Variants in RTL1 observed in about 807,000 individuals in gnomAD.
RTL1 encodes retrotransposon Gag like 1, also known as retrotransposon-like protein 1.
For missense variants in RTL1, 1,681 were observed against 1,767.5 expected (o/e 0.95, Z 0.88); for synonymous variants, 727 against 748.4 (o/e 0.97, Z 0.47).
intron 3 of RTL1, among the ~76,000 whole-genome samples, chr14:100,886,159 A>C (rs1470110692): frequency 1.3e-5 from 2 of 152,034 alleles, no homozygotes; most frequent in East Asian, 3.9e-4. Context: ...GCTCTTTATA[A>C]ATTTAACACC....
At chr14:100,895,810 C>T (rs892438951) in intron 2 of RTL1, among the ~76,000 whole-genome samples, 22 of 152,100 alleles carry the variant, frequency 1.4e-4, no homozygotes, top group African/African-American at 4.1e-4. Context: ...TGGTGGCTCA[C>T]GCTTATAATC....
At position 100,884,224 on chromosome 14, in the gene RTL1, C is replaced by T; in HGVS notation, c.565G>A (p.Glu189Lys). The T allele has an allele frequency of 3.9e-6, 6 of 1,551,760 alleles. No homozygotes were observed. Among genetic ancestry groups the T allele is most frequent in the Non-Finnish European group, 5.2e-6 (6 of 1,146,996 alleles). Residue 189 changes from glutamate to lysine, a missense_variant, in exon 4 of 4, where the codon GAG becomes AAG. Coordinates refer to ENST00000649591, the MANE Select transcript of RTL1 (RefSeq NM_001134888.3). ...DLKEQQRVAEEILIKGINAGQ... is the reference protein window; with the variant it reads ...DLKEQQRVAEKILIKGINAGQ... ...GCATTGATCCCTTTGATCAAGATCT[C>T]TTCTGCTACTCTCTGTTGCTCTTTG...
intron 3 of RTL1, among the ~76,000 whole-genome samples, chr14:100,885,309 C>T (rs1179587912): frequency 1.3e-5 from 2 of 152,202 alleles, no homozygotes; most frequent in African/African-American, 4.8e-5. Context: ...CCAAAGCCAC[C>T]CCTGGCAGGC....
Position 100,882,528 on chromosome 14 carries a change from A to T in RTL1, c.2261T>A (p.Val754Asp). The T allele has an allele frequency of 2.6e-6, 4 of 1,551,892 alleles. No individual in the cohort carries two copies. Among genetic ancestry groups the T allele is most frequent in the Non-Finnish European group, 3.5e-6 (4 of 1,147,046 alleles). ...GTAGACGTTGTGATGGCGGAAGCGG[A>T]CCAGGACTTGGCGGACGTGGTGGAG... Reference protein sequence around the residue: ...EHLHHVRQVLVRFRHHNVYCS... With the variant: ...EHLHHVRQVLDRFRHHNVYCS... The change falls in exon 4 of 4, where the codon GTC becomes GAC. Residue 754 changes from valine (V) to aspartate (D), a missense_variant. Val to Asp is a radical substitution (Grantham distance 152). Transcript: ENST00000649591.
chr14:100,886,071 G>A (rs1396449914), intron 3 of RTL1, among the ~76,000 whole-genome samples: 1 of 152,114 alleles, frequency 6.6e-6, no homozygotes, highest in African/African-American at 2.4e-5. Context: ...CTTGGTTGGG[G>A]TTATTTGCAC....
chr14:100,881,128 C>T lies in RTL1; in HGVS notation c.3661G>A (p.Glu1221Lys). 1 of 1,566,812 alleles carries T rather than the reference C, an allele frequency of 6.4e-7. No individual in the cohort carries two copies. The highest frequency in any genetic ancestry group is 1.8e-5 in the Admixed American group (1 of 54,282). ...TCCTCATCACCAACGACGTGCAGCT[C>T]CAGGTAGCGGTTCTGACGCAGGGCA... Reference protein sequence around the residue: ...LPALRQNRYLELHVVGDEDVV... With the variant: ...LPALRQNRYLKLHVVGDEDVV... The change falls in exon 4 of 4, where the codon GAG becomes AAG. Residue 1221 changes from glutamate (E) to lysine (K), a missense_variant. By Grantham distance (56) the Glu-to-Lys change is moderately conservative. Coordinates refer to ENST00000649591, the MANE Select transcript of RTL1 (RefSeq NM_001134888.3). This position sits in a 1 kb window ranked among gnomAD's most constrained non-coding sequence, Gnocchi z 6.6.
Position 100,880,570 on chromosome 14 carries a change from C to T in RTL1, c.*142G>A. 1.4e-6 allele frequency: 2 copies of T among 1,440,842 alleles called. No individual in the cohort carries two copies. The highest frequency in any genetic ancestry group is 2.9e-5 in the South Asian group (2 of 69,274). The allele number at this position is 1,440,842 out of a possible 1,614,324, so 89.3% of individuals were successfully genotyped here. ...GGTTGATGAGTTGAAGAAGTTGTTG[C>T]CCTTCACAAGTGGGTTCCTCTTGGG... On this transcript the variant is annotated 3_prime_UTR_variant, in exon 4 of 4. Transcript: ENST00000649591.
intron 2 of RTL1, among the ~76,000 whole-genome samples, chr14:100,895,991 C>T (rs1235014215): frequency 1.3e-5 from 2 of 150,702 alleles, no homozygotes; most frequent in South Asian, 2.1e-4. Context: ...GAGAATTGCT[C>T]GAACCTGGAA....
At chr14:100,885,613 T>C (rs1281026590) in intron 3 of RTL1, among the ~76,000 whole-genome samples, 1 of 152,062 alleles carries the variant, frequency 6.6e-6, no homozygotes, top group Non-Finnish European at 1.5e-5. Flanking sequence ...CTCAGACTTT[T>C]GGCCAATTTC....
At chr14:100,896,644 T>C (rs1393168185) in intron 2 of RTL1, among the ~76,000 whole-genome samples, 1 of 96,386 alleles carries the variant, frequency 1.0e-5, no homozygotes, top group Middle Eastern at 4.0e-3. Flanking sequence ...CCTCTGGATG[T>C]GGGGGTGGGC....
rs145590140 is a variant in RTL1 at position 100,899,810 on chromosome 14, C to T, written c.-149+3481G>A. On this transcript the variant is annotated intron_variant, in intron 2 of 3. Transcript: ENST00000649591. ...AAATCATCCAGCACAGTAGCCAACA[C>T]GCAGTACCCAGCAAAACTCGGTAGC... is the stretch of plus-strand genomic sequence containing the variant. 3.2e-3 allele frequency among the ~76,000 whole-genome samples: 485 copies of T among 152,194 alleles called. 4 individuals are homozygous for T. Among genetic ancestry groups the T allele is most frequent in the African/African-American group, 0.011 (466 of 41,516 alleles).
intron 3 of RTL1, among the ~76,000 whole-genome samples, chr14:100,888,663 C>A (rs1347648034): frequency 1.3e-5 from 2 of 152,132 alleles, no homozygotes; most frequent in Non-Finnish European, 1.5e-5. Flanking sequence ...TAATTCACTG[C>A]ATACTATTTA....
chr14:100,898,154 G>T (rs2038894551), intron 2 of RTL1: 1 of 214,086 alleles, frequency 4.7e-6, no homozygotes, highest in Non-Finnish European at 1.0e-5. Context: ...CTAGCCGTCA[G>T]GGTGGGTCAC....
At position 100,883,954 on chromosome 14, in the gene RTL1, C is replaced by CA. The variant is rs2038659185; in HGVS notation, c.834dup (p.Glu279Ter). 1 of 1,551,568 alleles carries CA rather than the reference C, an allele frequency of 6.4e-7. No individual in the cohort carries two copies. The highest frequency in any genetic ancestry group is 1.2e-5 in the South Asian group (1 of 84,054). On this transcript the variant is annotated frameshift_variant, in exon 4 of 4. Coordinates refer to ENST00000649591, the MANE Select transcript of RTL1 (RefSeq NM_001134888.3). LOFTEE classifies it low-confidence loss of function (END_TRUNC). This position sits in a 1 kb window ranked among gnomAD's most constrained non-coding sequence, Gnocchi z 5.9. Reference sequence around the variant, plus strand: ...GCCACACGCAGTGCCTGGCGGTACTCAAACACTTCGGACATGGCCTCCAGG... The same window carrying CA: ...GCCACACGCAGTGCCTGGCGGTACTCAAAACACTTCGGACATGGCCTCCAGG...
Position 100,882,658 on chromosome 14 carries a change from T to C in RTL1, c.2131A>G (p.Ile711Val), listed in dbSNP as rs527685608. 1.8e-5 allele frequency: 28 copies of C among 1,551,958 alleles called. 1 individual carries two copies. The South Asian group carries it at 3.1e-4, about 17-fold the overall frequency. ...QPFALSPDPIIPQNVIHFILK... is the reference protein window; with the variant it reads ...QPFALSPDPIVPQNVIHFILK... The stretch of plus-strand genomic sequence containing the variant: ...ATGAAGTGAATCACGTTCTGAGGTA[T>C]GATAGGGTCTGGGGAGAGCGCAAAC... The change falls in exon 4 of 4, where the codon ATA becomes GTA. Residue 711 changes from isoleucine to valine, a missense_variant. Ile to Val is a conservative substitution (Grantham distance 29). Transcript: ENST00000649591.
Position 100,884,650 on chromosome 14 carries a change from G to C in RTL1, c.139C>G (p.Pro47Ala), listed in dbSNP as rs2038671928. The change falls in exon 4 of 4, where the codon CCA (proline) becomes GCA (alanine). Residue 47 changes from proline (P) to alanine (A), a missense_variant. Coordinates refer to ENST00000649591, the MANE Select transcript of RTL1 (RefSeq NM_001134888.3). ...TTTTCCTGGGCTGGGCCGCTGGCTG[G>C]CCCTGCCTCTCCCCGCACTCCACTG... ...SGSGVRGEAG[P>A]ASGPAQEKKE... 6.2e-7 allele frequency: 1 copy of C among 1,613,326 alleles called. No individual in the cohort carries two copies. Among genetic ancestry groups the C allele is most frequent in the African/African-American group, 1.3e-5 (1 of 75,028 alleles).
chr14:100,880,844 G>T lies in RTL1; in HGVS notation c.3945C>A (p.Ala1315=), dbSNP rs1040009940. ...QLHLLSREQA[A]RALSQFLTLI... is the part of the protein sequence containing the mutation. ...GGGTCAGGAACTGGCTCAGGGCCCT[G>T]GCTGCCTGCTCCCGGCTGAGCAGGT... Residue 1315 remains alanine (A), a synonymous_variant, in exon 4 of 4, where the codon GCC becomes GCA. Transcript: ENST00000649591. The T allele has an allele frequency of 9.7e-6, 15 of 1,550,402 alleles. No individual in the cohort carries two copies. The Admixed American group carries it at 2.0e-4, about 20-fold the overall frequency.
chr14:100,893,850 A>G lies in RTL1; in HGVS notation c.-148-345T>C, dbSNP rs1005005490. On this transcript the variant is annotated intron_variant, in intron 2 of 3. Coordinates refer to ENST00000649591, the MANE Select transcript of RTL1 (RefSeq NM_001134888.3). The surrounding 1 kb of genome is among the most constrained non-coding windows in gnomAD (Gnocchi z 4.2). Reference sequence around the variant, plus strand: ...TACACCCACCCTCACACCCGGGCCCACGCTCACTTTAATAACCCGGACTGG... The same window carrying G: ...TACACCCACCCTCACACCCGGGCCCGCGCTCACTTTAATAACCCGGACTGG... Among the ~76,000 whole-genome samples the G allele has an allele frequency of 2.0e-5, 3 of 152,186 alleles. No homozygotes were observed. Among genetic ancestry groups the G allele is most frequent in the Non-Finnish European group, 4.4e-5 (3 of 68,044 alleles).
In RTL1 at chr14:100,880,519, A is replaced by G. The variant is rs1461300956; in HGVS notation, c.*193T>C. The G allele has an allele frequency of 1.8e-6, 2 of 1,130,016 alleles. No homozygotes were observed. The highest frequency in any genetic ancestry group is 2.4e-6 in the Non-Finnish European group (2 of 823,498). The allele number at this position is 1,130,016 out of a possible 1,614,324, so 70.0% of individuals were successfully genotyped here. A position where few individuals can be genotyped will look rare whatever the true frequency, so the allele number is the denominator to read the frequency against. ...GGCGCTGGGTCTCTGAGGACTGGGT[A>G]GTCCGTTAGCACAGGTGGCATTGCT... On this transcript the variant is annotated 3_prime_UTR_variant, in exon 4 of 4. Transcript: ENST00000649591.
Sources: gnomAD v4.1 joint callset for allele counts (sites outside exome capture counted in the v4.1 genomes callset) on GRCh38, gnomAD v4.1.1 for gene constraint, Gnocchi (gnomAD v3.1) non-coding constraint, MANE v1.5 for transcripts, NCBI Gene and HGNC (gene_info 2026-07-23, HGNC 2026-07-21) for gene names.